The following CDH20 variants were observed in gnomAD, a reference collection of about 807,000 sequenced individuals.
CDH20 encodes cadherin-20.
In CDH20, 29 loss-of-function variants were observed where a neutral mutation model predicts 74.2. The observed-to-expected ratio is 0.39, with a 90% CI of 0.29 to 0.53. CDH20 has a LOEUF of 0.53. Ranked by LOEUF, CDH20 falls within the 20% of genes least tolerant of loss-of-function variation. The pLI, the probability that CDH20 is intolerant of heterozygous loss-of-function variation, is 0.69. For missense variants in CDH20, 988 were observed against 1,048.3 expected (o/e 0.94, Z 0.79); for synonymous variants, 469 against 405.4 (o/e 1.16, Z -1.88).
At chr18:61,347,946 C>A (rs150252441) in intron 1 of CDH20, among the ~76,000 whole-genome samples, 126 of 152,216 alleles carry the variant, frequency 8.3e-4, no homozygotes, top group African/African-American at 2.9e-3. Flanking sequence ...ACATAAAGAA[C>A]TCAAACATAG....
Position 61,342,278 on chromosome 18 carries a change from G to T in CDH20, c.-153+8451G>T, listed in dbSNP as rs1049196376. The stretch of plus-strand genomic sequence containing the variant: ...TAAATAAATAACCGCCATTTATTTA[G>T]CCATACCTCTCTGCCAGACACTGTG... On this transcript the variant is annotated intron_variant, in intron 1 of 11. Coordinates refer to ENST00000262717, the MANE Select transcript of CDH20 (RefSeq NM_031891.4). 2.0e-5 allele frequency among the ~76,000 whole-genome samples: 3 copies of T among 152,124 alleles called. No homozygotes were observed. The East Asian group carries it at 5.8e-4, about 29-fold the overall frequency.
At chr18:61,421,756 T>C (rs1382354084) in intron 1 of CDH20, among the ~76,000 whole-genome samples, 1 of 152,194 alleles carries the variant, frequency 6.6e-6, no homozygotes, top group Non-Finnish European at 1.5e-5. Context: ...AAAATATGTA[T>C]ACCTAATATG....
At chr18:61,519,210 C>T (rs2077952271) in intron 6 of CDH20, among the ~76,000 whole-genome samples, 2 of 151,380 alleles carry the variant, frequency 1.3e-5, no homozygotes, top group South Asian at 2.1e-4. Flanking sequence ...AGGGTATTAT[C>T]CAGGAGAACT....
At chr18:61,409,489 G>C (rs984420175) in intron 1 of CDH20, among the ~76,000 whole-genome samples, 2 of 152,178 alleles carry the variant, frequency 1.3e-5, no homozygotes, top group African/African-American at 4.8e-5. Flanking sequence ...GATTCACAAA[G>C]TGGCCCAGCC....
At chr18:61,346,404 C>G (rs1599027520) in intron 1 of CDH20, among the ~76,000 whole-genome samples, 1 of 151,904 alleles carries the variant, frequency 6.6e-6, no homozygotes, top group South Asian at 2.1e-4. Flanking sequence ...ATATTTATAC[C>G]AAATTGAAGG....
intron 11 of CDH20, among the ~76,000 whole-genome samples, chr18:61,552,104 ATT>A (rs1913456797): frequency 6.6e-6 from 1 of 152,116 alleles, no homozygotes; most frequent in Non-Finnish European, 1.5e-5. Flanking sequence ...AAACTTTAAG[ATT>A]TGACTTGCAT....
rs2144116533 is a variant in CDH20 at position 61,353,089 on chromosome 18, G to T, written c.-153+19262G>T. Among the ~76,000 whole-genome samples the T allele has an allele frequency of 6.6e-6, 1 of 152,198 alleles. No homozygotes were observed. The highest frequency in any genetic ancestry group is 2.1e-4 in the South Asian group (1 of 4,820). On this transcript the variant is annotated intron_variant, in intron 1 of 11. Coordinates refer to ENST00000262717, the MANE Select transcript of CDH20 (RefSeq NM_031891.4). The surrounding 1 kb of genome is among the most constrained non-coding windows in gnomAD (Gnocchi z 4.6). ...TAGCTTCTATTTTATGGCTACCCTG[G>T]TCACCTCCCCTGCAATCACCTCCAT...
chr18:61,464,267 T>G (rs752895328), intron 1 of CDH20, among the ~76,000 whole-genome samples: 7 of 151,696 alleles, frequency 4.6e-5, no homozygotes, highest in South Asian at 2.1e-4. Flanking sequence ...TCAAAAAAAA[T>G]CAAGGTCACA....
intron 1 of CDH20, among the ~76,000 whole-genome samples, chr18:61,342,361 C>A (rs943641916): frequency 6.6e-6 from 1 of 152,216 alleles, no homozygotes; most frequent in Non-Finnish European, 1.5e-5. Flanking sequence ...TTGTTACCAT[C>A]TTCACTTTGT....
chr18:61,362,439 T>A (rs1046519022), intron 1 of CDH20, among the ~76,000 whole-genome samples: 5 of 152,166 alleles, frequency 3.3e-5, no homozygotes, highest in Non-Finnish European at 7.3e-5. Context: ...ACATATTTAT[T>A]GAAGATCCGT....
At chr18:61,453,725 G>A (rs935006600) in intron 1 of CDH20, among the ~76,000 whole-genome samples, 1 of 152,170 alleles carries the variant, frequency 6.6e-6, no homozygotes, top group Non-Finnish European at 1.5e-5. Flanking sequence ...GGACAACTGG[G>A]TTGTTTCTAG....
chr18:61,466,595 C>T (rs1305332798), intron 1 of CDH20, among the ~76,000 whole-genome samples: 1 of 152,158 alleles, frequency 6.6e-6, no homozygotes, highest in African/African-American at 2.4e-5. Flanking sequence ...CCATGGAAAT[C>T]TCTCAATGGT....
intron 1 of CDH20, among the ~76,000 whole-genome samples, chr18:61,406,397 C>A (rs929011782): frequency 6.6e-6 from 1 of 152,204 alleles, no homozygotes; most frequent in Admixed American, 6.5e-5. Flanking sequence ...ATGCATCAAG[C>A]ACCTATTATG....
At chr18:61,533,145 T>TA (rs910256222) in intron 7 of CDH20, among the ~76,000 whole-genome samples, 3 of 151,776 alleles carry the variant, frequency 2.0e-5, no homozygotes, top group Admixed American at 6.6e-5. Flanking sequence ...AAATAAAAAA[T>TA]AAAAAAAATT....
At chr18:61,463,785 G>C (rs1221208446) in intron 1 of CDH20, among the ~76,000 whole-genome samples, 1 of 152,164 alleles carries the variant, frequency 6.6e-6, no homozygotes, top group Non-Finnish European at 1.5e-5. Context: ...ACTCTGTCCA[G>C]GGGTGACGAA....
intron 1 of CDH20, among the ~76,000 whole-genome samples, chr18:61,443,304 G>A (rs2144322332): frequency 6.6e-6 from 1 of 152,234 alleles, no homozygotes; most frequent in South Asian, 2.1e-4. Context: ...CCATATAAAA[G>A]GGATAATCAC....
chr18:61,514,835 C>T (rs1454273093), intron 6 of CDH20, among the ~76,000 whole-genome samples: 24 of 152,216 alleles, frequency 1.6e-4, no homozygotes, highest in Admixed American at 1.1e-3. Context: ...CAGGGACCCA[C>T]TTGAGGAGGC....
chr18:61,538,835 T>C (rs901675258), intron 8 of CDH20, among the ~76,000 whole-genome samples, 189 bp from the exon 9 acceptor site: 1 of 151,894 alleles, frequency 6.6e-6, no homozygotes, highest in Non-Finnish European at 1.5e-5. Context: ...TTATCCAGGA[T>C]GTTATCCAGG....
chr18:61,479,079 A>G (rs1910496605), intron 1 of CDH20, among the ~76,000 whole-genome samples: 1 of 152,092 alleles, frequency 6.6e-6, no homozygotes, highest in Non-Finnish European at 1.5e-5. Context: ...TGAAGTATAT[A>G]AAATATCTTC....
Sources: allele counts gnomAD v4.1 joint callset (sites outside exome capture counted in the v4.1 genomes callset), GRCh38; gene constraint gnomAD v4.1.1; non-coding constraint Gnocchi (gnomAD v3.1); transcripts MANE v1.5; gene names NCBI Gene and HGNC (gene_info 2026-07-23, HGNC 2026-07-21).